SNTG1: variants seen among roughly 807,000 people sequenced by gnomAD.
SNTG1 encodes the protein syntrophin gamma 1.
In SNTG1, 39 loss-of-function variants were observed where a neutral mutation model predicts 74.7. The observed-to-expected ratio is 0.52, with a 90% CI of 0.40 to 0.68. The LOEUF (loss-of-function observed/expected upper bound fraction) is 0.68. SNTG1 is among the 30% of genes least tolerant of loss of function. The pLI, the probability that SNTG1 is intolerant of heterozygous loss-of-function variation, is 0.00. For missense variants in SNTG1, 685 were observed against 609.5 expected (o/e 1.12, Z -1.30); for synonymous variants, 254 against 217.1 (o/e 1.17, Z -1.49).
At chr8:50,200,031 A>G (rs753036991) in intron 2 of SNTG1, among the ~76,000 whole-genome samples, 1 of 152,130 alleles carries the variant, frequency 6.6e-6, no homozygotes, top group Non-Finnish European at 1.5e-5. Flanking sequence ...TCTGAATAAT[A>G]TAAATGCTTA....
At chr8:50,670,683 A>G (rs565542564) in intron 15 of SNTG1, among the ~76,000 whole-genome samples, 3,978 of 143,356 alleles carry the variant, frequency 0.028, 260 homozygotes, top group African/African-American at 0.096. Flanking sequence ...AAAGAATTGG[A>G]AAAAACTACT....
intron 1 of SNTG1, chr8:50,163,790 T>G (rs1160529044): frequency 4.6e-5 from 7 of 152,190 alleles, no homozygotes; most frequent in Non-Finnish European, 8.8e-5. Context: ...CCCATGAATT[T>G]TTTTAGTAAA....
chr8:50,420,108 T>A (rs79450005), intron 4 of SNTG1, among the ~76,000 whole-genome samples: 7,646 of 152,082 alleles, frequency 0.05, 259 homozygotes, highest in Middle Eastern at 0.12. Flanking sequence ...AGACTCAGAG[T>A]ATTTAAAAAA....
At chr8:50,414,399 T>C (rs1303071838) in intron 4 of SNTG1, among the ~76,000 whole-genome samples, 1 of 152,168 alleles carries the variant, frequency 6.6e-6, no homozygotes, top group South Asian at 2.1e-4. Context: ...TTCTTTACTA[T>C]AATCCTTTGG....
intron 12 of SNTG1, among the ~76,000 whole-genome samples, chr8:50,581,147 A>C (rs7009058): frequency 0.57 from 86,454 of 152,080 alleles, 29,194 homozygotes; most frequent in East Asian, 0.78. Context: ...CATCCATCTT[A>C]TCAAGAGCAC....
At chr8:50,642,944 T>C (rs2095083286) in intron 13 of SNTG1, among the ~76,000 whole-genome samples, 1 of 152,154 alleles carries the variant, frequency 6.6e-6, no homozygotes, top group Non-Finnish European at 1.5e-5. Context: ...TACTGTATTT[T>C]GGAGAGAATG....
At position 50,301,179 on chromosome 8, in the gene SNTG1, G is replaced by T. The variant is rs889317104; in HGVS notation, c.-27-93033G>T. Reference sequence around the variant, plus strand: ...TTTTCTTCCTTCATCACTCTCTCCTGCCTCTGCATCTCAGACTCACATTAC... The same window carrying T: ...TTTTCTTCCTTCATCACTCTCTCCTTCCTCTGCATCTCAGACTCACATTAC... On this transcript the variant is annotated intron_variant, in intron 2 of 18. Coordinates refer to ENST00000642720, the MANE Select transcript of SNTG1 (RefSeq NM_018967.5). 1.1e-4 allele frequency among the ~76,000 whole-genome samples: 17 copies of T among 151,982 alleles called. 1 individual carries two copies. Among genetic ancestry groups the T allele is most frequent in the Non-Finnish European group, 1.3e-4 (9 of 67,942 alleles).
At chr8:50,076,299 C>CA (rs957244475) in intron 1 of SNTG1, among the ~76,000 whole-genome samples, 42 of 150,332 alleles carry the variant, frequency 2.8e-4, no homozygotes, top group Non-Finnish European at 4.3e-4. Flanking sequence ...GAAACAAAAA[C>CA]AAAAAAAAAC....
intron 2 of SNTG1, among the ~76,000 whole-genome samples, chr8:50,207,394 A>G (rs1345612682): frequency 2.0e-5 from 3 of 152,140 alleles, no homozygotes; most frequent in Non-Finnish European, 4.4e-5. Context: ...TTGTATTTCT[A>G]TGGGATTGGA....
chr8:50,238,240 T>TATA (rs1315043819), intron 2 of SNTG1, among the ~76,000 whole-genome samples: 1 of 152,136 alleles, frequency 6.6e-6, no homozygotes, highest in East Asian at 1.9e-4. Context: ...GACTTATAAC[T>TATA]ATACTACAAG....
intron 13 of SNTG1, among the ~76,000 whole-genome samples, chr8:50,620,017 C>T (rs1025559868): frequency 6.6e-5 from 10 of 152,044 alleles, no homozygotes; most frequent in African/African-American, 2.4e-4. Context: ...ACCTTGTGTT[C>T]CTGTAGGTCT....
At chr8:50,192,429 T>C (rs2083611281) in intron 2 of SNTG1, among the ~76,000 whole-genome samples, 1 of 152,132 alleles carries the variant, frequency 6.6e-6, no homozygotes, top group African/African-American at 2.4e-5. Context: ...ATTTTTTTCA[T>C]ATGTTTGTTG....
At chr8:50,467,504 C>T (rs2093618187) in intron 8 of SNTG1, among the ~76,000 whole-genome samples, 1 of 151,804 alleles carries the variant, frequency 6.6e-6, no homozygotes, top group Admixed American at 6.6e-5. Flanking sequence ...ATTTCTGACA[C>T]TGGTAATTTG....
At position 50,190,083 on chromosome 8, in the gene SNTG1, A is replaced by G. The variant is rs537933575; in HGVS notation, c.-28+17448A>G. On this transcript the variant is annotated intron_variant, in intron 2 of 18. Transcript: ENST00000642720. Reference sequence around the variant, plus strand: ...TCATTTATTAATCCATTAAACAAGCATGTACTGAATACCTGCTATATACTA... The same window carrying G: ...TCATTTATTAATCCATTAAACAAGCGTGTACTGAATACCTGCTATATACTA... Among the ~76,000 whole-genome samples, 36 of 152,270 alleles carry G rather than the reference A, an allele frequency of 2.4e-4. No individual in the cohort carries two copies. The South Asian group carries it at 4.6e-3, about 19-fold the overall frequency.
intron 1 of SNTG1, among the ~76,000 whole-genome samples, chr8:49,947,703 G>T (rs951930448): frequency 2.6e-5 from 4 of 152,164 alleles, no homozygotes; most frequent in Admixed American, 1.3e-4. Context: ...TTGTGTAATT[G>T]TAATGACCAG....
In SNTG1 at chr8:50,637,276, A is replaced by G. The variant is rs113495581; in HGVS notation, c.850-19633A>G. Among the ~76,000 whole-genome samples, 123 of 152,240 alleles carry G rather than the reference A, an allele frequency of 8.1e-4. 1 individual carries two copies. The highest frequency in any genetic ancestry group is 2.5e-3 in the African/African-American group (104 of 41,570). Reference sequence around the variant, plus strand: ...ATGATTAAAATTTTCTTGTTATACAATCATGTCCTTTAAACTCATGAACTC... The same window carrying G: ...ATGATTAAAATTTTCTTGTTATACAGTCATGTCCTTTAAACTCATGAACTC... On this transcript the variant is annotated intron_variant, in intron 13 of 18. Coordinates refer to ENST00000642720, the MANE Select transcript of SNTG1 (RefSeq NM_018967.5).
At chr8:50,374,901 G>A (rs117506755) in intron 2 of SNTG1, among the ~76,000 whole-genome samples, 7,574 of 152,206 alleles carry the variant, frequency 0.05, 259 homozygotes, top group Non-Finnish European at 0.078. Context: ...AAATAAAAAT[G>A]TTTTCATCGT....
chr8:49,975,999 T>C (rs1013854505), intron 1 of SNTG1, among the ~76,000 whole-genome samples: 1 of 152,128 alleles, frequency 6.6e-6, no homozygotes, highest in African/African-American at 2.4e-5. Flanking sequence ...GCTCCCTGAG[T>C]TAGTTATTCT....
intron 2 of SNTG1, among the ~76,000 whole-genome samples, chr8:50,271,009 G>T (rs1191127628): frequency 6.6e-6 from 1 of 152,128 alleles, no homozygotes; most frequent in African/African-American, 2.4e-5. Context: ...CTCAGAGACA[G>T]AAAAATAGAT....
Sources: allele counts gnomAD v4.1 joint callset (sites outside exome capture counted in the v4.1 genomes callset), GRCh38; gene constraint gnomAD v4.1.1; transcripts MANE v1.5; gene names NCBI Gene and HGNC (gene_info 2026-07-23, HGNC 2026-07-21).